LGR6: variants seen among roughly 807,000 people sequenced by gnomAD.
LGR6 encodes the protein leucine-rich repeat-containing G protein-coupled receptor 6.
LGR6 carries 45 observed loss-of-function variants against 69.4 expected under a neutral mutation model. The observed-to-expected ratio is 0.65, with a 90% CI of 0.51 to 0.83. LGR6 has a LOEUF of 0.83. LGR6 is among the 40% of genes least tolerant of loss of function. The probability of loss-of-function intolerance (pLI) is 0.00; values close to 1 mark genes in which losing one functional copy is unlikely to be tolerated. For synonymous variants in LGR6, 538 were observed against 555.0 expected, an observed-to-expected ratio of 0.97 and a Z score of 0.43; for missense variants, 1,108 against 1,246.7, an observed-to-expected ratio of 0.89 and a Z score of 1.68.
intron 1 of LGR6, among the ~76,000 whole-genome samples, chr1:202,205,379 C>CA (rs1659141276): frequency 5.8e-4 from 1 of 1,716 alleles, no homozygotes; most frequent in African/African-American, 1.3e-3. Flanking sequence ...AACACACACA[C>CA]CTCACACACC....
Position 202,305,700 on chromosome 1 carries a change from C to G in LGR6, c.1087C>G (p.Gln363Glu), listed in dbSNP as rs571335333. The G allele has an allele frequency of 1.9e-6, 3 of 1,613,914 alleles. No individual in the cohort carries two copies. The highest frequency in any genetic ancestry group is 2.2e-5 in the East Asian group (1 of 44,886). ...TTTCCCCAGGGAACTGTCTCACAAT[C>G]AAATTGAGGAGCTGCCCAGCCTGCA... ...RLRVLELSHN[Q>E]IEELPSLHRC... The change falls in exon 12 of 18, where the codon CAA (glutamine) becomes GAA (glutamate). Residue 363 changes from glutamine (Q) to glutamate (E), a missense_variant. Gln to Glu is a conservative substitution (Grantham distance 29). Coordinates refer to ENST00000367278, the MANE Select transcript of LGR6 (RefSeq NM_001017403.2).
chr1:202,237,594 T>C (rs181755333), intron 4 of LGR6, among the ~76,000 whole-genome samples: 163 of 152,288 alleles, frequency 1.1e-3, no homozygotes, highest in Non-Finnish European at 2.1e-3. Context: ...GGACTAGGCA[T>C]GGAGCTTTTG....
intron 5 of LGR6, among the ~76,000 whole-genome samples, chr1:202,278,405 T>C (rs1275232009): frequency 6.6e-6 from 1 of 152,018 alleles, no homozygotes; most frequent in Non-Finnish European, 1.5e-5. Context: ...AGGCCTGTTA[T>C]AGATCTAGGA....
chr1:202,195,410 T>C (rs1658603000), intron 1 of LGR6, among the ~76,000 whole-genome samples: 1 of 152,138 alleles, frequency 6.6e-6, no homozygotes, highest in Non-Finnish European at 1.5e-5. Flanking sequence ...TCTCCAAATG[T>C]CCCTGTCCCC....
In LGR6 at chr1:202,303,280, T is replaced by A; in HGVS notation, c.931T>A (p.Ser311Thr). 2 of 1,612,922 alleles carry A rather than the reference T, an allele frequency of 1.2e-6. No individual in the cohort carries two copies. Among genetic ancestry groups the A allele is most frequent in the Non-Finnish European group, 1.7e-6 (2 of 1,178,892 alleles). Reference sequence around the variant, plus strand: ...AGAGCTCATTGTCTCTATTTCCAGATCTCTGAATGGTGCCATGGACATCCA... The same window carrying A: ...AGAGCTCATTGTCTCTATTTCCAGAACTCTGAATGGTGCCATGGACATCCA... ...FQYLPKLHTL[S>T]LNGAMDIQEF... Residue 311 changes from serine (S) to threonine (T), a missense_variant and splice_region_variant, in exon 10 of 18, where the codon TCT (serine) becomes ACT (threonine). Physicochemically the swap from Ser to Thr is moderately conservative, Grantham distance 58 (BLOSUM62 1). Transcript: ENST00000367278.
In LGR6 at chr1:202,194,121, C is replaced by T. The variant is rs1389924734; in HGVS notation, c.132C>T (p.Asp44=). ...CGGCCCCCTGCCACTGCCAGGAGGACGGCATCATGCTGTCTGCCGACTGCT... is the reference window on the plus strand; with the variant it reads ...CGGCCCCCTGCCACTGCCAGGAGGATGGCATCATGCTGTCTGCCGACTGCT... ...ACPAPCHCQE[D]GIMLSADCSE... Residue 44 remains aspartate (D), a synonymous_variant, in exon 1 of 18, where the codon GAC becomes GAT. Coordinates refer to ENST00000367278, the MANE Select transcript of LGR6 (RefSeq NM_001017403.2). 1.9e-6 allele frequency: 3 copies of T among 1,559,530 alleles called. No homozygotes were observed. The highest frequency in any genetic ancestry group is 5.0e-5 in the East Asian group (2 of 40,112).
chr1:202,247,212 G>T (rs892383722), intron 4 of LGR6, among the ~76,000 whole-genome samples: 13 of 152,242 alleles, frequency 8.5e-5, no homozygotes, highest in African/African-American at 3.1e-4. Context: ...TCCAATCCTC[G>T]CCACTCAAAG....
At chr1:202,265,360 C>G (rs1424972923) in intron 4 of LGR6, among the ~76,000 whole-genome samples, 1 of 152,158 alleles carries the variant, frequency 6.6e-6, no homozygotes, top group Admixed American at 6.5e-5. Context: ...CTGTGAGGGC[C>G]TGGTGATGGG....
chr1:202,292,061 A>G (rs925597076), intron 6 of LGR6, among the ~76,000 whole-genome samples: 1 of 152,136 alleles, frequency 6.6e-6, no homozygotes, highest in African/African-American at 2.4e-5. Context: ...TGAGGGCATG[A>G]GGGGCGCAAG....
At chr1:202,295,286 C>A (rs1667069986) in intron 6 of LGR6, among the ~76,000 whole-genome samples, 1 of 147,866 alleles carries the variant, frequency 6.8e-6, no homozygotes, top group Non-Finnish European at 1.5e-5. Flanking sequence ...CGAGATCACG[C>A]CACTGCACTC....
At chr1:202,204,278 CCAAACACACACACCTG>C (rs1488049642) in intron 1 of LGR6, among the ~76,000 whole-genome samples, 1 of 126,740 alleles carries the variant, frequency 7.9e-6, no homozygotes, top group African/African-American at 3.0e-5. Context: ...ACACACACCT[CCAAACACACACACCTG>C]CAAACACACA....
intron 6 of LGR6, among the ~76,000 whole-genome samples, chr1:202,295,685 C>T (rs1344303571): frequency 3.3e-5 from 5 of 152,178 alleles, no homozygotes; most frequent in South Asian, 2.1e-4. Flanking sequence ...TCCTGGCCTC[C>T]GCCTGACCAC....
intron 3 of LGR6, among the ~76,000 whole-genome samples, chr1:202,234,621 G>T (rs10920370): frequency 6.6e-6 from 1 of 152,146 alleles, no homozygotes; most frequent in Non-Finnish European, 1.5e-5. Flanking sequence ...TCAAAGCCTA[G>T]CTCTGTCAGT....
At chr1:202,297,302 C>T (rs1667231353) in intron 6 of LGR6, among the ~76,000 whole-genome samples, 1 of 152,148 alleles carries the variant, frequency 6.6e-6, no homozygotes, top group Non-Finnish European at 1.5e-5. Flanking sequence ...AGTTCTGCAG[C>T]CAGGAAGATT....
Position 202,233,042 on chromosome 1 carries a change from T to C in LGR6, c.357-2880T>C, listed in dbSNP as rs754203192. On this transcript the variant is annotated intron_variant, in intron 3 of 17. Transcript: ENST00000367278. ...ACTGCCATGCTGACCTCCAGCTTGA[T>C]GGGTGTTGATTCCATGAATAAAAGG... 3.3e-5 allele frequency among the ~76,000 whole-genome samples: 5 copies of C among 152,198 alleles called. No individual in the cohort carries two copies. In the East Asian group the frequency reaches 9.7e-4, roughly 29 times the overall value.
At chr1:202,305,782 G>A (rs368823222) in intron 12 of LGR6, 33 bp downstream of exon 12, 155 of 1,591,086 alleles carry the variant, frequency 9.7e-5, no homozygotes, top group Non-Finnish European at 1.3e-4. Context: ...GCAAAAGCAC[G>A]CCAGCCAGAC....
intron 6 of LGR6, among the ~76,000 whole-genome samples, chr1:202,294,118 A>G (rs1304740752): frequency 1.3e-5 from 2 of 152,228 alleles, no homozygotes; most frequent in Non-Finnish European, 2.9e-5. Context: ...TTCTCTTAAG[A>G]GTCCATTAGT....
intron 1 of LGR6, among the ~76,000 whole-genome samples, chr1:202,217,845 T>C (rs909731830): frequency 6.6e-6 from 1 of 152,194 alleles, no homozygotes; most frequent in African/African-American, 2.4e-5. Flanking sequence ...AATACAGCAT[T>C]GTTCTCACGC....
intron 4 of LGR6, among the ~76,000 whole-genome samples, chr1:202,260,374 C>A (rs942655336): frequency 1.3e-5 from 2 of 152,052 alleles, no homozygotes; most frequent in African/African-American, 2.4e-5. Context: ...CGCTCTGTCG[C>A]CCAGGCTGTA....
Sources: gnomAD v4.1 joint callset for allele counts (sites outside exome capture counted in the v4.1 genomes callset) on GRCh38, gnomAD v4.1.1 for gene constraint, MANE v1.5 for transcripts, NCBI Gene and HGNC (gene_info 2026-07-23, HGNC 2026-07-21) for gene names.